OR10J1: variants seen among roughly 807,000 people sequenced by gnomAD.
The protein encoded by OR10J1 is olfactory receptor 10J1.
For synonymous variants in OR10J1, 202 were observed against 143.8 expected, an observed-to-expected ratio of 1.40 and a Z score of -2.89; for missense variants, 474 against 376.6, an observed-to-expected ratio of 1.26 and a Z score of -2.14.
chr1:159,398,848 A>G, the OR10J1 span, among the ~76,000 whole-genome samples: 1 of 152,222 alleles, frequency 6.6e-6, no homozygotes, highest in Non-Finnish European at 1.5e-5. Context: ...GGAGGTAAAG[A>G]AAGAGGTAGG....
chr1:159,403,065 G>C, the OR10J1 span, among the ~76,000 whole-genome samples: 2 of 151,976 alleles, frequency 1.3e-5, no homozygotes, highest in African/African-American at 4.8e-5. Flanking sequence ...ATATGCACAA[G>C]GATTAAACTA....
upstream of OR10J1, among the ~76,000 whole-genome samples, chr1:159,434,112 G>C (rs2101701805): frequency 6.6e-6 from 1 of 152,066 alleles, no homozygotes; most frequent in East Asian, 1.9e-4. Flanking sequence ...ATAAATCTAT[G>C]AGATAGATAT....
the OR10J1 span, among the ~76,000 whole-genome samples, chr1:159,412,829 T>G: frequency 2.7e-5 from 4 of 150,710 alleles, no homozygotes; most frequent in Non-Finnish European, 5.9e-5. Context: ...AAGACAAAAT[T>G]GACAAATGGG....
rs138020603 is a variant in OR10J1 at position 159,440,105 on chromosome 1, T to C, written c.314T>C (p.Val105Ala). The C allele has an allele frequency of 2.2e-4, 352 of 1,614,030 alleles. No individual in the cohort carries two copies. Among genetic ancestry groups the C allele is most frequent in the Non-Finnish European group, 2.8e-4 (326 of 1,180,016 alleles). ...AGCATQMFFF[V>A]TFGITNCFLL... ...TGTGCCACACAGATGTTCTTTTTTG[T>C]AACCTTTGGCATCACTAACTGCTTC... Residue 105 changes from valine to alanine, a missense_variant, in exon 1 of 1, where the codon GTA (valine) becomes GCA (alanine). Transcript: ENST00000423932.
the OR10J1 span, among the ~76,000 whole-genome samples, chr1:159,421,155 T>A: frequency 6.6e-6 from 1 of 152,138 alleles, no homozygotes; most frequent in Non-Finnish European, 1.5e-5. Flanking sequence ...GTTTTGAGAT[T>A]TTTTGTCTGC....
Position 159,440,348 on chromosome 1 carries a change from T to G in OR10J1, c.557T>G (p.Leu186Arg). The change falls in exon 1 of 1, where the codon CTC becomes CGC. Residue 186 changes from leucine to arginine, a missense_variant. Leu to Arg is a moderately radical substitution (Grantham distance 102, BLOSUM62 -2). Transcript: ENST00000423932. ...FFCDIRPVMK[L>R]SCIDTTVNEI... ...TGTGACATCCGCCCTGTGATGAAGC[T>G]CTCCTGCATTGACACCACTGTCAAT... 1 of 1,614,168 alleles carries G rather than the reference T, an allele frequency of 6.2e-7. No individual in the cohort carries two copies. The highest frequency in any genetic ancestry group is 8.5e-7 in the Non-Finnish European group (1 of 1,180,018).
the OR10J1 span, among the ~76,000 whole-genome samples, chr1:159,406,773 G>T: frequency 6.6e-6 from 1 of 152,254 alleles, no homozygotes; most frequent in East Asian, 1.9e-4. Flanking sequence ...AGGAGGCAGA[G>T]ATAGTGAATG....
At position 159,440,335 on chromosome 1, in the gene OR10J1, C is replaced by A. The variant is rs754093603; in HGVS notation, c.544C>A (p.Pro182Thr). ...KVPHFFCDIR[P>T]VMKLSCIDTT... ...GCCCCACTTCTTCTGTGACATCCGC[C>A]CTGTGATGAAGCTCTCCTGCATTGA... The change falls in exon 1 of 1, where the codon CCT becomes ACT. Residue 182 changes from proline to threonine, a missense_variant. Transcript: ENST00000423932. 1.9e-6 allele frequency: 3 copies of A among 1,614,012 alleles called. No individual in the cohort carries two copies. Among genetic ancestry groups the A allele is most frequent in the Non-Finnish European group, 2.5e-6 (3 of 1,180,024 alleles).
At chr1:159,413,930 C>A in the OR10J1 span, among the ~76,000 whole-genome samples, 3 of 151,674 alleles carry the variant, frequency 2.0e-5, no homozygotes, top group African/African-American at 7.3e-5. Flanking sequence ...ATGTATAGTT[C>A]ACACTTATTT....
chr1:159,416,319 G>T, the OR10J1 span, among the ~76,000 whole-genome samples: 9 of 152,090 alleles, frequency 5.9e-5, no homozygotes, highest in Middle Eastern at 3.4e-3. Flanking sequence ...CTGTGGGTTT[G>T]TCATAAGTGG....
chr1:159,407,726 G>T, the OR10J1 span, among the ~76,000 whole-genome samples: 1 of 152,054 alleles, frequency 6.6e-6, no homozygotes, highest in Admixed American at 6.6e-5. Flanking sequence ...TGATCTTAAA[G>T]GGAGAAGAAT....
the OR10J1 span, among the ~76,000 whole-genome samples, chr1:159,410,319 A>G: frequency 6.6e-6 from 1 of 152,092 alleles, no homozygotes; most frequent in African/African-American, 2.4e-5. Flanking sequence ...CTGTGAATCC[A>G]TCTGGTCCTG....
At chr1:159,435,275 A>G (rs1397288881), upstream of OR10J1, among the ~76,000 whole-genome samples, 1 of 152,086 alleles carries the variant, frequency 6.6e-6, no homozygotes, top group Non-Finnish European at 1.5e-5. Flanking sequence ...TACATCTCAC[A>G]ACATCATTCT....
chr1:159,422,785 C>T, the OR10J1 span, among the ~76,000 whole-genome samples: 20 of 152,280 alleles, frequency 1.3e-4, no homozygotes, highest in Non-Finnish European at 2.4e-4. Flanking sequence ...AGCTCCTTTC[C>T]TATGGCTAGA....
Position 159,440,509 on chromosome 1 carries a change from T to C in OR10J1, c.718T>C (p.Cys240Arg). The change falls in exon 1 of 1, where the codon TGT becomes CGT. Residue 240 changes from cysteine to arginine, a missense_variant. Cys to Arg is a radical substitution (Grantham distance 180). Coordinates refer to ENST00000423932, the MANE Select transcript of OR10J1 (RefSeq NM_012351.3). ...GGGCCGGAAGAAGGCTTTTGCCACCTGTGCATCCCACCTCACTGTGGTCAT... is the reference window on the plus strand; with the variant it reads ...GGGCCGGAAGAAGGCTTTTGCCACCCGTGCATCCCACCTCACTGTGGTCAT... ...VEGRKKAFAT[C>R]ASHLTVVIVH... is the part of the protein sequence containing the mutation. 1 of 1,614,140 alleles carries C rather than the reference T, an allele frequency of 6.2e-7. No homozygotes were observed. Among genetic ancestry groups the C allele is most frequent in the Non-Finnish European group, 8.5e-7 (1 of 1,180,002 alleles).
the OR10J1 span, among the ~76,000 whole-genome samples, chr1:159,420,528 G>A: frequency 6.6e-6 from 1 of 152,078 alleles, no homozygotes; most frequent in Non-Finnish European, 1.5e-5. Flanking sequence ...TTTAGTGACA[G>A]TAATCTTTCT....
upstream of OR10J1, among the ~76,000 whole-genome samples, chr1:159,437,425 A>G (rs1476597757): frequency 6.6e-6 from 1 of 152,162 alleles, no homozygotes; most frequent in East Asian, 1.9e-4. Flanking sequence ...CCAAGGTGGT[A>G]TGGCTCTAAG....
At chr1:159,432,342 TTGA>T in the OR10J1 span, 1 of 401,508 alleles carries the variant, frequency 2.5e-6, no homozygotes, top group Non-Finnish European at 4.4e-6. Flanking sequence ...TGCTATCATC[TTGA>T]TAGTTATCCG....
the OR10J1 span, among the ~76,000 whole-genome samples, chr1:159,417,437 G>T: frequency 6.6e-6 from 1 of 152,080 alleles, no homozygotes; most frequent in Non-Finnish European, 1.5e-5. Context: ...TGAATCATGG[G>T]AGCAGGTCTT....
Sources: gnomAD v4.1 joint callset for allele counts (sites outside exome capture counted in the v4.1 genomes callset) on GRCh38, gnomAD v4.1.1 for gene constraint, MANE v1.5 for transcripts, NCBI Gene and HGNC (gene_info 2026-07-23, HGNC 2026-07-21) for gene names.